The following ZBBX variants were observed in gnomAD, a reference collection of about 807,000 sequenced individuals.
ZBBX encodes zinc finger B-box domain containing.
Under a neutral mutation model 108.5 loss-of-function variants are expected in ZBBX, and 101 were observed. The observed-to-expected ratio is 0.93, with a 90% CI of 0.79 to 1.10. The LOEUF (loss-of-function observed/expected upper bound fraction) is 1.10. Among genes scored for constraint, ZBBX ranks in the 50% least tolerant of loss-of-function variants. ZBBX has a pLI of 0.00. For synonymous variants in ZBBX, 356 were observed against 323.4 expected (o/e 1.10, Z -1.08); for missense variants, 1,009 against 941.4 (o/e 1.07, Z -0.94).
intron 1 of ZBBX, among the ~76,000 whole-genome samples, chr3:167,389,786 G>A (rs1193772480): frequency 2.0e-5 from 3 of 151,424 alleles, no homozygotes; most frequent in African/African-American, 7.3e-5. Context: ...GTTGAGAAGT[G>A]TCTGTTCATA....
chr3:167,296,800 C>T (rs1232975872), intron 18 of ZBBX, among the ~76,000 whole-genome samples: 3 of 149,712 alleles, frequency 2.0e-5, no homozygotes, highest in Non-Finnish European at 4.5e-5. Context: ...CCAATGTTAC[C>T]CAAAGTGATC....
intron 3 of ZBBX, 49 bp from the exon 4 acceptor site, chr3:167,372,999 T>G (rs1746382380): frequency 1.1e-5 from 10 of 884,810 alleles, no homozygotes. Flanking sequence ...TGAAGCAGTA[T>G]AAGTTACAAA....
intron 8 of ZBBX, among the ~76,000 whole-genome samples, chr3:167,358,459 A>T (rs1019745269): frequency 6.6e-6 from 1 of 152,174 alleles, no homozygotes; most frequent in South Asian, 2.1e-4. Flanking sequence ...GAAGCATAGC[A>T]ATGTTAATAT....
intron 21 of ZBBX, 101 bp downstream of exon 21, chr3:167,242,404 C>T (rs1045743730): frequency 2.6e-5 from 27 of 1,020,510 alleles, no homozygotes; most frequent in Non-Finnish European, 3.6e-5. Context: ...AAAGTATACA[C>T]ATGAGGACAA....
chr3:167,384,219 T>C (rs574372038), upstream of ZBBX, among the ~76,000 whole-genome samples: 1 of 152,164 alleles, frequency 6.6e-6, no homozygotes, highest in African/African-American at 2.4e-5. Context: ...ACTTTTAAAA[T>C]ATGGTTATAT....
At chr3:167,337,122 A>G (rs540530156) in intron 9 of ZBBX, among the ~76,000 whole-genome samples, 2 of 152,312 alleles carry the variant, frequency 1.3e-5, no homozygotes, top group South Asian at 4.1e-4. Context: ...GGTGAGTGGT[A>G]TCTAAAAGAA....
chr3:167,230,635 T>G, the ZBBX span, among the ~76,000 whole-genome samples: 1 of 151,740 alleles, frequency 6.6e-6, no homozygotes, highest in Non-Finnish European at 1.5e-5. Context: ...TAGAACCACC[T>G]TGAGTCCGAA....
chr3:167,325,526 T>A (rs574616069), intron 11 of ZBBX, among the ~76,000 whole-genome samples: 3 of 151,988 alleles, frequency 2.0e-5, no homozygotes, highest in African/African-American at 7.2e-5. Context: ...CAATTCAAGA[T>A]GAGATTTTGA....
chr3:167,284,179 C>CATATATATATATATATAT (rs202245834), intron 19 of ZBBX, among the ~76,000 whole-genome samples: 5 of 117,604 alleles, frequency 4.3e-5, no homozygotes, highest in Non-Finnish European at 6.6e-5. Flanking sequence ...GTGTTAAAAA[C>CATATATATATATATATAT]ATATATCTAT....
the ZBBX span, among the ~76,000 whole-genome samples, chr3:167,193,470 C>T: frequency 6.6e-6 from 1 of 152,144 alleles, no homozygotes; most frequent in South Asian, 2.1e-4. Flanking sequence ...CTCTGGCTAT[C>T]CTCAGTGGTA....
intron 17 of ZBBX, among the ~76,000 whole-genome samples, chr3:167,301,254 T>C (rs1732620410): frequency 6.6e-6 from 1 of 152,200 alleles, no homozygotes; most frequent in South Asian, 2.1e-4. Context: ...TTATTGGTGC[T>C]ATGTAAGTCA....
intron 1 of ZBBX, among the ~76,000 whole-genome samples, chr3:167,390,720 G>A (rs897446243): frequency 1.3e-5 from 2 of 151,888 alleles, no homozygotes; most frequent in East Asian, 1.9e-4. Flanking sequence ...CCTGTAAGTC[G>A]TATTCCTAGG....
Position 167,325,305 on chromosome 3 carries a change from T to TGTGG in ZBBX, c.862+2636_862+2637insCCAC, listed in dbSNP as rs1330291047. On this transcript the variant is annotated intron_variant, in intron 11 of 21. Transcript: ENST00000675490. ...GTTCCACATGGCTGGGGAGGCCTCATAATCATGACAGAAGACAAAGGAAGA... is the reference window on the plus strand; with the variant it reads ...GTTCCACATGGCTGGGGAGGCCTCATGTGGAATCATGACAGAAGACAAAGGAAGA... Among the ~76,000 whole-genome samples, 26 of 152,214 alleles carry TGTGG rather than the reference T, an allele frequency of 1.7e-4. No individual in the cohort carries two copies. In the East Asian group the frequency reaches 5.0e-3, roughly 29 times the overall value.
intron 19 of ZBBX, among the ~76,000 whole-genome samples, chr3:167,285,275 A>C (rs1300604888): frequency 6.6e-6 from 1 of 152,118 alleles, no homozygotes; most frequent in African/African-American, 2.4e-5. Context: ...CGTTATTGCT[A>C]TTCTAAATAT....
chr3:167,357,634 C>G (rs995415381), intron 8 of ZBBX, among the ~76,000 whole-genome samples: 1 of 152,110 alleles, frequency 6.6e-6, no homozygotes, highest in Non-Finnish European at 1.5e-5. Context: ...AATAGTTAAA[C>G]AAAATATGGC....
At chr3:167,287,915 T>G (rs1002320680) in intron 19 of ZBBX, among the ~76,000 whole-genome samples, 14 of 152,098 alleles carry the variant, frequency 9.2e-5, no homozygotes, top group Admixed American at 2.0e-4. Context: ...TAATCATAGA[T>G]TTTAGGGCAA....
the ZBBX span, among the ~76,000 whole-genome samples, chr3:167,204,700 A>AT: frequency 1.3e-5 from 2 of 151,362 alleles, no homozygotes; most frequent in Admixed American, 6.6e-5. Context: ...CGCAATAAAC[A>AT]TACGTGTGCA....
chr3:167,302,381 T>C (rs1732852340), intron 17 of ZBBX, among the ~76,000 whole-genome samples: 1 of 152,214 alleles, frequency 6.6e-6, no homozygotes, highest in Non-Finnish European at 1.5e-5. Flanking sequence ...TTAATCTTTC[T>C]ATTAAATAGT....
At chr3:167,196,681 T>C in the ZBBX span, among the ~76,000 whole-genome samples, 9 of 152,308 alleles carry the variant, frequency 5.9e-5, no homozygotes, top group East Asian at 1.7e-3. Context: ...TTTAGCATCA[T>C]TCATTTGCTA....
Sources: allele counts gnomAD v4.1 joint callset (sites outside exome capture counted in the v4.1 genomes callset), GRCh38; gene constraint gnomAD v4.1.1; transcripts MANE v1.5; gene names NCBI Gene and HGNC (gene_info 2026-07-23, HGNC 2026-07-21).